The following NR5A2 variants were observed in gnomAD, a reference collection of about 807,000 sequenced individuals.
NR5A2 encodes nuclear receptor subfamily 5 group A member 2.
Under a neutral mutation model 62.7 loss-of-function variants are expected in NR5A2, and 26 were observed. That is an observed-to-expected ratio of 0.41 (90% CI 0.30 to 0.58). The LOEUF (loss-of-function observed/expected upper bound fraction) is 0.58. Ranked by LOEUF, NR5A2 falls within the 20% of genes least tolerant of loss-of-function variation. The probability of loss-of-function intolerance (pLI) is 0.22; values close to 1 mark genes in which losing one functional copy is unlikely to be tolerated. For synonymous variants in NR5A2, 246 were observed against 241.7 expected, an observed-to-expected ratio of 1.02 and a Z score of -0.16; for missense variants, 541 against 669.1, an observed-to-expected ratio of 0.81 and a Z score of 2.11.
intron 5 of NR5A2, among the ~76,000 whole-genome samples, chr1:200,082,775 A>G (rs988056504): frequency 3.3e-5 from 5 of 152,172 alleles, no homozygotes; most frequent in South Asian, 2.1e-4. Context: ...TCAGGCTTTT[A>G]TAATTAGTTG....
intron 5 of NR5A2, among the ~76,000 whole-genome samples, chr1:200,075,870 G>C (rs1664005958): frequency 9.2e-6 from 1 of 108,720 alleles, no homozygotes; most frequent in African/African-American, 3.4e-5. Flanking sequence ...ATAAAAGTGT[G>C]TATAAAAGCT....
At chr1:200,074,736 CAAAAAAAA>C (rs199556915) in intron 5 of NR5A2, among the ~76,000 whole-genome samples, 1 of 67,558 alleles carries the variant, frequency 1.5e-5, no homozygotes, top group Admixed American at 1.9e-4. Context: ...GAGTCCATCT[CAAAAAAAA>C]AAAAAAAAAA....
intron 5 of NR5A2, among the ~76,000 whole-genome samples, chr1:200,058,742 G>A (rs1294380074): frequency 1.4e-5 from 2 of 146,638 alleles, no homozygotes; most frequent in African/African-American, 5.0e-5. Flanking sequence ...GCCTCCCAAA[G>A]TGCTGGGATT....
intron 5 of NR5A2, among the ~76,000 whole-genome samples, chr1:200,088,619 T>C (rs1021444445): frequency 3.3e-5 from 5 of 152,176 alleles, no homozygotes; most frequent in African/African-American, 1.2e-4. Context: ...CACATGAATG[T>C]GCAAAGCTCC....
intron 6 of NR5A2, among the ~76,000 whole-genome samples, chr1:200,115,996 T>G (rs1666200015): frequency 6.6e-6 from 1 of 151,914 alleles, no homozygotes; most frequent in African/African-American, 2.4e-5. Context: ...ATTCACTCAT[T>G]ATAGATTTCC....
rs763804798 is a variant in NR5A2, at chr1:200,120,909, T to C, written c.1332T>C (p.Asp444=). 1 of 1,613,920 alleles carries C rather than the reference T, an allele frequency of 6.2e-7. No individual in the cohort carries two copies. The highest frequency in any genetic ancestry group is 8.5e-7 in the Non-Finnish European group (1 of 1,179,928). Residue 444 remains aspartate, a synonymous_variant, in exon 7 of 8, where the codon GAT becomes GAC. Coordinates refer to ENST00000367362, the MANE Select transcript of NR5A2 (RefSeq NM_205860.3). ...LVAKLRSLQF[D]QREFVCLKFL... is the part of the protein sequence containing the mutation. ...CAAAACTTCGTTCTCTCCAGTTTGA[T>C]CAACGAGAGTTCGTATGTCTGAAAT...
At chr1:200,077,169 G>T (rs2102228357) in intron 5 of NR5A2, among the ~76,000 whole-genome samples, 1 of 152,282 alleles carries the variant, frequency 6.6e-6, no homozygotes, top group East Asian at 1.9e-4. Flanking sequence ...ATTATAAAAT[G>T]TTTTATGTTG....
At chr1:200,080,231 C>T (rs1447266701) in intron 5 of NR5A2, among the ~76,000 whole-genome samples, 1 of 152,096 alleles carries the variant, frequency 6.6e-6, no homozygotes. Context: ...TCAAATAGAA[C>T]TGGTCACTAG....
At chr1:200,118,994 C>A (rs1213971977) in intron 6 of NR5A2, among the ~76,000 whole-genome samples, 2 of 152,224 alleles carry the variant, frequency 1.3e-5, no homozygotes, top group African/African-American at 2.4e-5. Flanking sequence ...CTGGCTAAAG[C>A]AGGTAGACAG....
chr1:200,043,956 C>T, intron 3 of NR5A2, 64 bp downstream of exon 3: 3 of 1,070,868 alleles, frequency 2.8e-6, no homozygotes, highest in Non-Finnish European at 4.2e-6. Context: ...CAGTGGATTA[C>T]TTCTTTTAAG....
chr1:200,176,301 T>A lies in NR5A2; in HGVS notation c.*2091T>A, dbSNP rs1654416100. The A allele has an allele frequency of 6.6e-6, 1 of 152,656 alleles. No individual in the cohort carries two copies. The highest frequency in any genetic ancestry group is 1.5e-5 in the Non-Finnish European group (1 of 68,040). 9.5% of individuals were successfully genotyped at this position (152,656 alleles called of 1,614,324 possible). ...TCTGTGTGTACAAAGAGGATTATTT[T>A]ATTATGTTTATTAATCACCTCTAAT... On this transcript the variant is annotated 3_prime_UTR_variant, in exon 8 of 8. Transcript: ENST00000367362.
At chr1:200,167,537 C>G (rs1653961556) in intron 7 of NR5A2, among the ~76,000 whole-genome samples, 1 of 152,192 alleles carries the variant, frequency 6.6e-6, no homozygotes, top group African/African-American at 2.4e-5. Context: ...CCTGCACACA[C>G]TAGTCCCTTC....
At chr1:200,069,953 A>ATATCTCTAT (rs1362815657) in intron 5 of NR5A2, among the ~76,000 whole-genome samples, 1 of 152,242 alleles carries the variant, frequency 6.6e-6, no homozygotes, top group Non-Finnish European at 1.5e-5. Flanking sequence ...ATTTTTATGA[A>ATATCTCTAT]AAGTTTGCTC....
chr1:200,038,254 C>T (rs1425321005), intron 1 of NR5A2, among the ~76,000 whole-genome samples: 1 of 152,206 alleles, frequency 6.6e-6, no homozygotes, highest in Admixed American at 6.5e-5. Flanking sequence ...AAAAGTACAG[C>T]CTGGACTGAT....
At chr1:200,162,635 C>T (rs1050240006) in intron 7 of NR5A2, among the ~76,000 whole-genome samples, 5 of 151,920 alleles carry the variant, frequency 3.3e-5, no homozygotes, top group African/African-American at 4.8e-5. Context: ...GGAACAGAGG[C>T]GAGTTACGGT....
At chr1:200,086,329 G>A (rs1306999783) in intron 5 of NR5A2, among the ~76,000 whole-genome samples, 2 of 151,860 alleles carry the variant, frequency 1.3e-5, no homozygotes, top group African/African-American at 2.4e-5. Context: ...TTGAGAGGGA[G>A]TTTTGCTCTT....
At chr1:200,041,908 GTTTAC>G (rs3838447) in intron 2 of NR5A2, among the ~76,000 whole-genome samples, 12,240 of 152,212 alleles carry the variant, frequency 0.08, 509 homozygotes, top group Non-Finnish European at 0.099. Flanking sequence ...TAAAGTTAGA[GTTTAC>G]TTTGTTGGGG....
chr1:200,041,345 C>G (rs1028352859), intron 2 of NR5A2, among the ~76,000 whole-genome samples: 2 of 152,156 alleles, frequency 1.3e-5, no homozygotes, highest in African/African-American at 4.8e-5. Flanking sequence ...GGTGCCTGGG[C>G]TCAGAAGTCG....
chr1:200,161,733 T>C (rs1653653117), intron 7 of NR5A2, among the ~76,000 whole-genome samples: 2 of 152,232 alleles, frequency 1.3e-5, no homozygotes, highest in Non-Finnish European at 2.9e-5. Flanking sequence ...GTGAGGAACT[T>C]TAAAATTGCT....
Sources: gnomAD v4.1 joint callset for allele counts (sites outside exome capture counted in the v4.1 genomes callset) on GRCh38, gnomAD v4.1.1 for gene constraint, MANE v1.5 for transcripts, NCBI Gene and HGNC (gene_info 2026-07-23, HGNC 2026-07-21) for gene names.